MINDY2: variants seen among roughly 807,000 people sequenced by gnomAD.
MINDY2 encodes MINDY lysine 48 deubiquitinase 2.
MINDY2 carries 52 observed loss-of-function variants against 68.2 expected under a neutral mutation model. The observed-to-expected ratio is 0.76, with a 90% CI of 0.61 to 0.96. The LOEUF (loss-of-function observed/expected upper bound fraction) is 0.96. Among genes scored for constraint, MINDY2 ranks in the 40% least tolerant of loss-of-function variants. The pLI is 0.00. For synonymous variants in MINDY2, 372 were observed against 303.0 expected, an observed-to-expected ratio of 1.23 and a Z score of -2.36; for missense variants, 881 against 773.4, an observed-to-expected ratio of 1.14 and a Z score of -1.65.
chr15:58,771,553 G>C lies in MINDY2; in HGVS notation c.158G>C (p.Gly53Ala). The C allele has an allele frequency of 6.2e-7, 1 of 1,611,064 alleles. No individual in the cohort carries two copies. ...GCGGCGGAGACCAGCGGCGGGAATGGGCTGGGGGCGGCGGCCGCCAGGAGG... is the reference window on the plus strand; with the variant it reads ...GCGGCGGAGACCAGCGGCGGGAATGCGCTGGGGGCGGCGGCCGCCAGGAGG... ...VWAAETSGGNGLGAAAARRSL... is the reference protein window; with the variant it reads ...VWAAETSGGNALGAAAARRSL... Residue 53 changes from glycine (G) to alanine (A), a missense_variant, in exon 1 of 9, where the codon GGG becomes GCG. Physicochemically the swap from Gly to Ala is moderately conservative, Grantham distance 60. Coordinates refer to ENST00000559228, the MANE Select transcript of MINDY2 (RefSeq NM_001040450.3).
intron 1 of MINDY2, among the ~76,000 whole-genome samples, chr15:58,782,617 A>C (rs1256251606): frequency 1.3e-5 from 2 of 152,110 alleles, no homozygotes; most frequent in African/African-American, 4.8e-5. Flanking sequence ...AGTTCTGTCA[A>C]TTATGTTTTG....
chr15:58,852,942 T>G lies in MINDY2; in HGVS notation c.1737+977T>G, dbSNP rs1418586420. Among the ~76,000 whole-genome samples, 120 of 34,776 alleles carry G rather than the reference T, an allele frequency of 3.5e-3. 6 individuals are homozygous for G. Among genetic ancestry groups the G allele is most frequent in the African/African-American group, 5.8e-3 (59 of 10,120 alleles). The allele number at this position is 34,776 out of a possible 152,430, so 22.8% of individuals were successfully genotyped here. A position where few individuals can be genotyped will look rare whatever the true frequency, so the allele number is the denominator to read the frequency against. ...TTCCTGTTTTTTTTTTTTTTTTTTT[T>G]TTTTTTTTTTTTTTTTTTTTTTTTT... On this transcript the variant is annotated intron_variant, in intron 8 of 8. Coordinates refer to ENST00000559228, the MANE Select transcript of MINDY2 (RefSeq NM_001040450.3).
intron 3 of MINDY2, among the ~76,000 whole-genome samples, 185 bp from the exon 4 acceptor site, chr15:58,810,045 A>AGGCG (rs2030119977): frequency 1.3e-5 from 2 of 152,272 alleles, no homozygotes; most frequent in Middle Eastern, 3.4e-3. Flanking sequence ...TGTTTTATTC[A>AGGCG]TTGTTGTATC....
At chr15:58,795,672 G>A (rs370550908) in intron 2 of MINDY2, among the ~76,000 whole-genome samples, 10 of 152,270 alleles carry the variant, frequency 6.6e-5, no homozygotes, top group African/African-American at 2.4e-4. Context: ...CCAAAGTGCC[G>A]GGATTACAGG....
At chr15:58,811,955 AAAGT>A (rs1362838675) in intron 4 of MINDY2, among the ~76,000 whole-genome samples, 3 of 152,234 alleles carry the variant, frequency 2.0e-5, no homozygotes, top group African/African-American at 7.2e-5. Context: ...TTTTTAACAT[AAAGT>A]AAGATTCAAA....
rs1192523805 is a variant in MINDY2 at position 58,856,705 on chromosome 15, A to AGG, written c.*2096_*2097dup. On this transcript the variant is annotated 3_prime_UTR_variant, in exon 9 of 9. Coordinates refer to ENST00000559228, the MANE Select transcript of MINDY2 (RefSeq NM_001040450.3). ...TTGATATCACTCTGTTGGCTGAAGGAGGTAACTCAAACCTCAGGGTTTGTT... is the reference window on the plus strand; with the variant it reads ...TTGATATCACTCTGTTGGCTGAAGGAGGGGTAACTCAAACCTCAGGGTTTGTT... The AGG allele has an allele frequency of 6.6e-6, 1 of 152,234 alleles. No individual in the cohort carries two copies. The highest frequency in any genetic ancestry group is 1.5e-5 in the Non-Finnish European group (1 of 68,044). 9.4% of individuals were successfully genotyped at this position (152,234 alleles called of 1,614,324 possible). A position where few individuals can be genotyped will look rare whatever the true frequency, so the allele number is the denominator to read the frequency against.
intron 2 of MINDY2, among the ~76,000 whole-genome samples, chr15:58,792,195 CTTT>C (rs1240060190): frequency 2.0e-5 from 3 of 152,314 alleles, no homozygotes; most frequent in Admixed American, 6.5e-5. Flanking sequence ...AATACAGCCA[CTTT>C]GGAAAGCAGT....
chr15:58,833,461 A>T (rs1256489387), intron 6 of MINDY2, among the ~76,000 whole-genome samples: 15 of 152,202 alleles, frequency 9.9e-5, no homozygotes, highest in Admixed American at 7.9e-4. Flanking sequence ...GGCCCAGGGG[A>T]CCAGCGTTCA....
chr15:58,826,325 G>A (rs2031393558), intron 5 of MINDY2, among the ~76,000 whole-genome samples: 1 of 150,350 alleles, frequency 6.7e-6, no homozygotes, highest in African/African-American at 2.5e-5. Flanking sequence ...TGCCTCCCAG[G>A]CTCAAGCGAT....
intron 1 of MINDY2, among the ~76,000 whole-genome samples, chr15:58,779,174 CG>C (rs1230566462): frequency 6.6e-5 from 10 of 151,844 alleles, no homozygotes; most frequent in Admixed American, 4.6e-4. Context: ...GGATTACAGG[CG>C]TGAGTCACCA....
At chr15:58,790,042 G>T (rs1197943070) in intron 2 of MINDY2, among the ~76,000 whole-genome samples, 2 of 152,074 alleles carry the variant, frequency 1.3e-5, no homozygotes, top group African/African-American at 2.4e-5. Context: ...GCCTCCCAAA[G>T]TGCTGGGATT....
At position 58,832,125 on chromosome 15, in the gene MINDY2, T is replaced by G. The variant is rs994415741; in HGVS notation, c.1368+209T>G. Among the ~76,000 whole-genome samples the G allele has an allele frequency of 2.0e-5, 3 of 152,222 alleles. No individual in the cohort carries two copies. The East Asian group carries it at 5.8e-4, about 29-fold the overall frequency. On this transcript the variant is annotated intron_variant, in intron 6 of 8. Transcript: ENST00000559228. Reference sequence around the variant, plus strand: ...CCTCAAATCACTTTTTGTTTTTTAATTCTCAACTTCTTTTTCACAGATCTT... The same window carrying G: ...CCTCAAATCACTTTTTGTTTTTTAAGTCTCAACTTCTTTTTCACAGATCTT...
intron 2 of MINDY2, among the ~76,000 whole-genome samples, chr15:58,794,028 T>A (rs1384793149): frequency 6.6e-6 from 1 of 152,128 alleles, no homozygotes; most frequent in Non-Finnish European, 1.5e-5. Flanking sequence ...TAACCAGAGC[T>A]GGACTTTTGC....
chr15:58,818,216 A>G lies in MINDY2; in HGVS notation c.1123-3501A>G, dbSNP rs920083683. Among the ~76,000 whole-genome samples the G allele has an allele frequency of 4.1e-4, 62 of 152,282 alleles. 1 individual carries two copies. The highest frequency in any genetic ancestry group is 1.5e-3 in the African/African-American group (61 of 41,564). Reference sequence around the variant, plus strand: ...TGTAGATTCTCTAGTGGCACCTTGCATGTAGTAGTATGTAATAGGCATCCA... The same window carrying G: ...TGTAGATTCTCTAGTGGCACCTTGCGTGTAGTAGTATGTAATAGGCATCCA... On this transcript the variant is annotated intron_variant, in intron 4 of 8. Transcript: ENST00000559228.
At chr15:58,787,432 ATAATACAG>A in intron 1 of MINDY2, among the ~76,000 whole-genome samples, 1 of 152,238 alleles carries the variant, frequency 6.6e-6, no homozygotes, top group South Asian at 2.1e-4. Context: ...AATAAATAGA[ATAATACAG>A]TAAAGACTGG....
At chr15:58,802,118 T>C (rs539700300) in intron 2 of MINDY2, among the ~76,000 whole-genome samples, 195 bp from the exon 3 acceptor site, 1 of 152,254 alleles carries the variant, frequency 6.6e-6, no homozygotes, top group Admixed American at 6.5e-5. Context: ...AGCACTATAG[T>C]ATATACATTG....
chr15:58,787,427 A>G (rs1901579401), intron 1 of MINDY2, among the ~76,000 whole-genome samples: 1 of 152,042 alleles, frequency 6.6e-6, no homozygotes. Context: ...AACCTAATAA[A>G]TAGAATAATA....
At chr15:58,850,940 G>C (rs2140867812) in intron 7 of MINDY2, among the ~76,000 whole-genome samples, 1 of 151,838 alleles carries the variant, frequency 6.6e-6, no homozygotes, top group South Asian at 2.1e-4. Context: ...GCCTATATAT[G>C]GCTTCCAGAA....
In MINDY2 at chr15:58,847,387, A is replaced by G. The variant is rs1330039673; in HGVS notation, c.1459A>G (p.Asn487Asp). 6.2e-7 allele frequency: 1 copy of G among 1,608,970 alleles called. No individual in the cohort carries two copies. Among genetic ancestry groups the G allele is most frequent in the South Asian group, 1.1e-5 (1 of 90,516 alleles). Reference sequence around the variant, plus strand: ...CCTACACAACGTAGATGGTGATGGAAATTTCTGTGACTCAGAATTTCATCT... The same window carrying G: ...CCTACACAACGTAGATGGTGATGGAGATTTCTGTGACTCAGAATTTCATCT... ...ESLHNVDGDG[N>D]FCDSEFHLRP... The change falls in exon 7 of 9, where the codon AAT (asparagine) becomes GAT (aspartate). Residue 487 changes from asparagine (N) to aspartate (D), a missense_variant. Coordinates refer to ENST00000559228, the MANE Select transcript of MINDY2 (RefSeq NM_001040450.3).
Sources: gnomAD v4.1 joint callset for allele counts (sites outside exome capture counted in the v4.1 genomes callset) on GRCh38, gnomAD v4.1.1 for gene constraint, MANE v1.5 for transcripts, NCBI Gene and HGNC (gene_info 2026-07-23, HGNC 2026-07-21) for gene names.